Variants in KIF4A observed in about 807,000 individuals in gnomAD.
KIF4A encodes kinesin family member 4A.
Under a neutral mutation model 105.9 loss-of-function variants are expected in KIF4A, and 7 were observed. That is an observed-to-expected ratio of 0.07 (90% CI 0.04 to 0.12). The LOEUF (loss-of-function observed/expected upper bound fraction) is 0.12. Ranked by LOEUF, KIF4A falls within the 10% of genes least tolerant of loss-of-function variation. The pLI, the probability that KIF4A is intolerant of heterozygous loss-of-function variation, is 1.00. For missense variants in KIF4A, 558 were observed against 929.2 expected (o/e 0.60, Z 5.19); for synonymous variants, 281 against 331.3 (o/e 0.85, Z 1.65).
At chrX:70,406,460 G>C in intron 27 of KIF4A, 106 bp downstream of exon 27, 1 of 586,413 alleles carries the variant, frequency 1.7e-6, no homozygotes, top group Non-Finnish European at 2.8e-6. Context: ...CCAAATTCTA[G>C]CATCTCACTT....
chrX:70,407,104 T>C, intron 28 of KIF4A, 29 bp downstream of exon 28: 4 of 1,159,683 alleles, frequency 3.4e-6, no homozygotes, highest in South Asian at 2.0e-5. Flanking sequence ...ACTTTTTTTT[T>C]GTTTTGTTGT....
chrX:70,393,425 C>T (rs976006282), intron 20 of KIF4A, among the ~76,000 whole-genome samples: 1 of 111,469 alleles, frequency 9.0e-6, no homozygotes, highest in East Asian at 2.8e-4. Flanking sequence ...GATGGAGTAT[C>T]TATAAATGTC....
chrX:70,418,376 A>C (rs1176657248), intron 29 of KIF4A, among the ~76,000 whole-genome samples: 1 of 111,767 alleles, frequency 8.9e-6, no homozygotes, highest in Non-Finnish European at 1.9e-5. Flanking sequence ...GAACTGTAAG[A>C]GCCACGTACT....
At chrX:70,357,341 A>G (rs1364401956) in intron 15 of KIF4A, among the ~76,000 whole-genome samples, 1 of 111,983 alleles carries the variant, frequency 8.9e-6, no homozygotes, top group Admixed American at 9.5e-5. Flanking sequence ...CAAAAAAACT[A>G]TAAAACTCTT....
chrX:70,352,969 G>A (rs1394145944), intron 14 of KIF4A, among the ~76,000 whole-genome samples: 1 of 111,717 alleles, frequency 9.0e-6, no homozygotes, highest in Non-Finnish European at 1.9e-5. Flanking sequence ...TAAAAATGAG[G>A]AGAGGAAAAA....
intron 18 of KIF4A, among the ~76,000 whole-genome samples, chrX:70,382,759 C>T (rs1284616249): frequency 9.3e-6 from 1 of 107,277 alleles, no homozygotes; most frequent in Non-Finnish European, 1.9e-5. Flanking sequence ...TTGACCCCAC[C>T]CTGGGCAACA....
chrX:70,383,461 G>C (rs2086205741), intron 18 of KIF4A, among the ~76,000 whole-genome samples: 1 of 112,009 alleles, frequency 8.9e-6, no homozygotes. Flanking sequence ...TTGGCAAACA[G>C]TTTAGCAGTT....
chrX:70,300,076 C>T (rs749541610), intron 5 of KIF4A, among the ~76,000 whole-genome samples: 1 of 111,501 alleles, frequency 9.0e-6, no homozygotes, highest in Admixed American at 9.6e-5. Flanking sequence ...ATATCTTACT[C>T]CTGTTCTCCT....
At chrX:70,302,241 T>G in intron 6 of KIF4A, 63 bp from the exon 7 acceptor site, 1 of 1,159,779 alleles carries the variant, frequency 8.6e-7, no homozygotes, top group Non-Finnish European at 1.2e-6. Flanking sequence ...AGGTCAGCTT[T>G]GATATTCAGT....
chrX:70,368,617 C>G (rs1206997038), intron 15 of KIF4A, among the ~76,000 whole-genome samples: 2 of 111,553 alleles, frequency 1.8e-5, no homozygotes, highest in South Asian at 7.5e-4. Flanking sequence ...GAAATTTTGT[C>G]TCAGAGGAGC....
chrX:70,375,152 G>C (rs370993638), intron 16 of KIF4A, 52 bp from the exon 17 acceptor site: 155 of 1,186,135 alleles, frequency 1.3e-4, no homozygotes, highest in Non-Finnish European at 1.7e-4. Context: ...TATGTCTTTT[G>C]AAGTCAGGCT....
intron 7 of KIF4A, among the ~76,000 whole-genome samples, chrX:70,314,058 A>G (rs1488742917): frequency 8.9e-6 from 1 of 111,800 alleles, no homozygotes; most frequent in African/African-American, 3.3e-5. Context: ...TAGGGGCTCT[A>G]CTGATATTTA....
intron 20 of KIF4A, among the ~76,000 whole-genome samples, chrX:70,394,038 G>A (rs2086249891): frequency 9.3e-6 from 1 of 108,097 alleles, no homozygotes; most frequent in Admixed American, 1.0e-4. Context: ...GCTAATTTTT[G>A]TATTTTTTGT....
intron 22 of KIF4A, 143 bp downstream of exon 22, chrX:70,396,192 A>G (rs2086258981): frequency 2.4e-6 from 1 of 421,543 alleles, no homozygotes; most frequent in Admixed American, 4.3e-5. Context: ...ACACTGTACT[A>G]GGTATCTTAG....
chrX:70,408,833 AG>A (rs2086310109), intron 28 of KIF4A, among the ~76,000 whole-genome samples: 1 of 112,414 alleles, frequency 8.9e-6, no homozygotes, highest in Non-Finnish European at 1.9e-5. Context: ...TATTCGTCTC[AG>A]GGAGATGGAC....
At chrX:70,392,622 C>T (rs1233727258) in intron 20 of KIF4A, among the ~76,000 whole-genome samples, 2 of 109,768 alleles carry the variant, frequency 1.8e-5, no homozygotes, top group Non-Finnish European at 3.8e-5. Flanking sequence ...ATAGCAAGAA[C>T]ACATCTCTAT....
At chrX:70,395,225 G>A (rs1456226562) in intron 20 of KIF4A, among the ~76,000 whole-genome samples, 4 of 112,220 alleles carry the variant, frequency 3.6e-5, no homozygotes, top group African/African-American at 1.3e-4. Flanking sequence ...CAGCCTGGGC[G>A]ACAGAGCGAC....
In KIF4A at chrX:70,420,190, G is replaced by A. The variant is rs1319727058; in HGVS notation, c.3624G>A (p.Lys1208=). ...TEYQENKAPG[K]KKKRALASNT... ...ACCAAGAAAACAAGGCTCCAGGGAA[G>A]AAAAAGAAACGGGCTCTGGCCAGCA... The change falls in exon 31 of 31, where the codon AAG becomes AAA. Residue 1208 remains lysine (K), a synonymous_variant. Transcript: ENST00000374403. 1.7e-6 allele frequency: 2 copies of A among 1,209,128 alleles called. No homozygotes were observed. The highest frequency in any genetic ancestry group is 2.2e-6 in the Non-Finnish European group (2 of 895,064).
At chrX:70,349,737 C>T (rs1322987667) in intron 13 of KIF4A, among the ~76,000 whole-genome samples, 1 of 68,657 alleles carries the variant, frequency 1.5e-5, no homozygotes, top group African/African-American at 6.4e-5. Context: ...GACGGGGTGG[C>T]GGCCAGGCAG....
Sources: allele counts gnomAD v4.1 joint callset (sites outside exome capture counted in the v4.1 genomes callset), GRCh38; gene constraint gnomAD v4.1.1; transcripts MANE v1.5; gene names NCBI Gene and HGNC (gene_info 2026-07-23, HGNC 2026-07-21).